Variants in ATP8B4 observed in about 807,000 individuals in gnomAD.
ATP8B4 encodes ATPase phospholipid transporting 8B4 (putative), also known as probable phospholipid-transporting ATPase IM.
In ATP8B4, 133 loss-of-function variants were observed where a neutral mutation model predicts 145.6. The ratio of observed to expected loss-of-function variants is 0.91; its 90% CI spans 0.79 to 1.05. The LOEUF is 1.05. Ranked by LOEUF, ATP8B4 falls within the 50% of genes least tolerant of loss-of-function variation. ATP8B4 has a pLI of 0.00. For missense variants in ATP8B4, 1,458 were observed against 1,425.2 expected (o/e 1.02, Z -0.37); for synonymous variants, 507 against 492.9 (o/e 1.03, Z -0.38).
At position 50,114,103 on chromosome 15, in the gene ATP8B4, C is replaced by CTTTTTTTTTTTTTTTTTT. The variant is rs755159123; in HGVS notation, c.-43+5002_-43+5019dup. 1.0e-3 allele frequency among the ~76,000 whole-genome samples: 58 copies of CTTTTTTTTTTTTTTTTTT among 55,654 alleles called. 2 individuals are homozygous for CTTTTTTTTTTTTTTTTTT. Among genetic ancestry groups the CTTTTTTTTTTTTTTTTTT allele is most frequent in the South Asian group, 2.0e-3 (2 of 996 alleles). 36.5% of individuals were successfully genotyped at this position (55,654 alleles called of 152,430 possible). A position where few individuals can be genotyped will look rare whatever the true frequency, so the allele number is the denominator to read the frequency against. Reference sequence around the variant, plus strand: ...ATTTTCCTTCTTGGTCTCCTAGTTTCTTTTTTTTTTTTTTTTTTTTTTTTT... The same window carrying CTTTTTTTTTTTTTTTTTT: ...ATTTTCCTTCTTGGTCTCCTAGTTTCTTTTTTTTTTTTTTTTTTTTTTTTTTTTTTTTTTTTTTTTTTT... On this transcript the variant is annotated intron_variant, in intron 1 of 27. Coordinates refer to ENST00000284509, the MANE Select transcript of ATP8B4 (RefSeq NM_024837.4).
chr15:50,124,595 G>A (rs570164106), intron 1 of ATP8B4, among the ~76,000 whole-genome samples: 8 of 144,884 alleles, frequency 5.5e-5, no homozygotes, highest in Non-Finnish European at 1.1e-4. Flanking sequence ...AATTAAGCTG[G>A]TAAGATTTTT....
rs568858720 is a variant in ATP8B4 at position 50,080,798 on chromosome 15, A to G, written c.29-6613T>C. ...CCTGTTAGGAAGATTTTTAGGACCC[A>G]TAAAAATGAGAGTTTAATGAAAGAG... On this transcript the variant is annotated intron_variant, in intron 2 of 27. Transcript: ENST00000284509. Among the ~76,000 whole-genome samples, 3 of 152,268 alleles carry G rather than the reference A, an allele frequency of 2.0e-5. No individual in the cohort carries two copies. In the South Asian group the frequency reaches 6.2e-4, roughly 32 times the overall value.
At chr15:50,090,011 A>T (rs1157395954) in intron 2 of ATP8B4, among the ~76,000 whole-genome samples, 1 of 152,226 alleles carries the variant, frequency 6.6e-6, no homozygotes, top group Non-Finnish European at 1.5e-5. Flanking sequence ...GTACATATAC[A>T]TCATGGAATA....
intron 8 of ATP8B4, among the ~76,000 whole-genome samples, chr15:49,997,618 G>A (rs934795920): frequency 6.6e-6 from 1 of 152,030 alleles, no homozygotes; most frequent in African/African-American, 2.4e-5. Flanking sequence ...GGGAAAACAA[G>A]TGGTAGGTAA....
At position 50,125,790 on chromosome 15, in the gene ATP8B4, T is replaced by C. The variant is rs578239153; in HGVS notation, c.-42-18782A>G. On this transcript the variant is annotated intron_variant, in intron 1 of 3. Coordinates refer to the ATP8B4 transcript ENST00000558829. ...CAACATATAGCCAATCAATAACTTA[T>C]GTTATTTTTAATGTAAATTCTTGGT... Among the ~76,000 whole-genome samples, 58 of 152,202 alleles carry C rather than the reference T, an allele frequency of 3.8e-4. 1 individual carries two copies. The highest frequency in any genetic ancestry group is 6.9e-4 in the Non-Finnish European group (47 of 68,030).
chr15:50,111,406 G>A (rs1397713401), intron 1 of ATP8B4, among the ~76,000 whole-genome samples: 1 of 152,204 alleles, frequency 6.6e-6, no homozygotes, highest in Non-Finnish European at 1.5e-5. Flanking sequence ...TTAATAAATT[G>A]TCATTCTTAT....
chr15:50,147,962 A>C (rs1456993724), intron 1 of ATP8B4, among the ~76,000 whole-genome samples: 3 of 152,200 alleles, frequency 2.0e-5, no homozygotes, highest in Non-Finnish European at 4.4e-5. Context: ...AACTCCATGC[A>C]ATACATATTA....
At chr15:49,987,586 C>T in intron 9 of ATP8B4, 37 bp from the exon 10 acceptor site, 1 of 1,588,918 alleles carries the variant, frequency 6.3e-7, no homozygotes, top group South Asian at 1.1e-5. Context: ...CTCTTTATGA[C>T]TCACCCAAAA....
intron 3 of ATP8B4, among the ~76,000 whole-genome samples, chr15:50,065,404 A>C (rs1336319173): frequency 6.6e-6 from 1 of 152,168 alleles, no homozygotes; most frequent in Non-Finnish European, 1.5e-5. Flanking sequence ...TAAGATTCCC[A>C]GAACCAGACC....
chr15:49,941,238 T>C (rs975704108), intron 14 of ATP8B4, among the ~76,000 whole-genome samples: 1 of 152,160 alleles, frequency 6.6e-6, no homozygotes, highest in Non-Finnish European at 1.5e-5. Context: ...TTTACTATAA[T>C]AGTAAAGGGT....
intron 16 of ATP8B4, among the ~76,000 whole-genome samples, chr15:49,930,562 G>C (rs529329113): frequency 1.3e-5 from 2 of 152,170 alleles, no homozygotes; most frequent in East Asian, 3.9e-4. Context: ...ATGATAATGA[G>C]GAGGCTGAGG....
intron 14 of ATP8B4, among the ~76,000 whole-genome samples, chr15:49,936,210 T>C (rs569536725): frequency 6.6e-6 from 1 of 152,126 alleles, no homozygotes; most frequent in African/African-American, 2.4e-5. Context: ...AGGCTGATTG[T>C]TTGTCAGGTC....
chr15:50,125,223 A>G (rs2057299418), intron 1 of ATP8B4, among the ~76,000 whole-genome samples: 1 of 152,162 alleles, frequency 6.6e-6, no homozygotes, highest in African/African-American at 2.4e-5. Flanking sequence ...GTTATCTCAG[A>G]ATCTCCAAGA....
intron 3 of ATP8B4, among the ~76,000 whole-genome samples, chr15:50,070,067 A>T (rs117007584): frequency 0.033 from 4,978 of 152,314 alleles, 92 homozygotes; most frequent in South Asian, 0.063. Context: ...TAGTTATAAG[A>T]TTAAATAAGT....
At chr15:50,024,073 A>C (rs1396124106) in intron 6 of ATP8B4, among the ~76,000 whole-genome samples, 1 of 152,192 alleles carries the variant, frequency 6.6e-6, no homozygotes, top group Non-Finnish European at 1.5e-5. Context: ...GGATTAAATG[A>C]ATAAAAGTAA....
chr15:49,986,616 A>T (rs2046622174), intron 10 of ATP8B4, among the ~76,000 whole-genome samples: 4 of 152,222 alleles, frequency 2.6e-5, no homozygotes, highest in African/African-American at 9.6e-5. Context: ...AGGTCAGTTA[A>T]GAAAAACATT....
intron 1 of ATP8B4, among the ~76,000 whole-genome samples, chr15:50,109,137 C>T (rs1277227800): frequency 6.6e-6 from 1 of 152,054 alleles, no homozygotes; most frequent in African/African-American, 2.4e-5. Context: ...CTGGGAAGAA[C>T]CTCAAAGCAT....
chr15:49,966,724 T>G (rs1156573296), intron 13 of ATP8B4, among the ~76,000 whole-genome samples: 1 of 152,176 alleles, frequency 6.6e-6, no homozygotes, highest in Non-Finnish European at 1.5e-5. Context: ...GCCTGCCGGC[T>G]CTGAAGAGAG....
chr15:50,014,992 T>A (rs1177595093), intron 6 of ATP8B4, among the ~76,000 whole-genome samples: 1 of 152,194 alleles, frequency 6.6e-6, no homozygotes, highest in African/African-American at 2.4e-5. Context: ...CACGAAAATG[T>A]CCATCAATAG....
Sources: gnomAD v4.1 joint callset for allele counts (sites outside exome capture counted in the v4.1 genomes callset) on GRCh38, gnomAD v4.1.1 for gene constraint, MANE v1.5 for transcripts, NCBI Gene and HGNC (gene_info 2026-07-23, HGNC 2026-07-21) for gene names.